UBASH3A: variants seen among roughly 807,000 people sequenced by gnomAD.
UBASH3A encodes ubiquitin associated and SH3 domain containing A.
In UBASH3A, 63 loss-of-function variants were observed where a neutral mutation model predicts 73.5. The ratio of observed to expected loss-of-function variants is 0.86; its 90% confidence interval spans 0.70 to 1.06. UBASH3A has a LOEUF of 1.06. Among genes scored for constraint, UBASH3A ranks in the 50% least tolerant of loss-of-function variants. UBASH3A has a pLI of 0.00. For synonymous variants in UBASH3A, 363 were observed against 351.1 expected (o/e 1.03, Z -0.38); for missense variants, 860 against 859.0 (o/e 1.00, Z -0.02).
chr21:42,439,146 G>A (rs1234730173), intron 11 of UBASH3A, among the ~76,000 whole-genome samples: 1 of 152,172 alleles, frequency 6.6e-6, no homozygotes, highest in Non-Finnish European at 1.5e-5. Flanking sequence ...CCACCCCGGA[G>A]CCTCTCAGGC....
chr21:42,427,186 C>G (rs1376238583), intron 8 of UBASH3A, among the ~76,000 whole-genome samples: 4 of 152,190 alleles, frequency 2.6e-5, no homozygotes, highest in African/African-American at 9.6e-5. Flanking sequence ...TCTCCATAAC[C>G]TGGGGGTCAG....
chr21:42,438,159 G>C (rs766369818), intron 11 of UBASH3A, among the ~76,000 whole-genome samples: 1 of 152,230 alleles, frequency 6.6e-6, no homozygotes, highest in Non-Finnish European at 1.5e-5. Flanking sequence ...AGAGGGATAA[G>C]ATCTCGGTCC....
chr21:42,416,277 AT>A (rs2053204545), intron 5 of UBASH3A, among the ~76,000 whole-genome samples, 164 bp from the exon 6 acceptor site: 1 of 151,844 alleles, frequency 6.6e-6, no homozygotes, highest in South Asian at 2.1e-4. Context: ...TCCTGGAAAA[AT>A]CTACAGGGAT....
chr21:42,408,893 TAA>T (rs1280531839), intron 2 of UBASH3A, among the ~76,000 whole-genome samples: 2 of 82,982 alleles, frequency 2.4e-5, no homozygotes, highest in African/African-American at 8.8e-5. Flanking sequence ...AAAAATAAAA[TAA>T]AATAAAATAA....
intron 11 of UBASH3A, among the ~76,000 whole-genome samples, chr21:42,442,109 C>T (rs781551532): frequency 6.6e-5 from 10 of 152,022 alleles, no homozygotes; most frequent in Admixed American, 1.3e-4. Flanking sequence ...AGGATGCAGC[C>T]GGTGGGCTGG....
intron 3 of UBASH3A, chr21:42,410,533 C>A: frequency 2.8e-6 from 1 of 352,258 alleles, no homozygotes; most frequent in Non-Finnish European, 5.1e-6. Context: ...CCAACCACCA[C>A]CCCGGATTGC....
At chr21:42,433,945 T>C (rs994138403) in intron 9 of UBASH3A, among the ~76,000 whole-genome samples, 27 of 152,096 alleles carry the variant, frequency 1.8e-4, no homozygotes, top group Admixed American at 3.3e-4. Flanking sequence ...GGAAGGTCAG[T>C]GTGGCTGCTG....
chr21:42,425,048 C>T (rs759310384), intron 7 of UBASH3A, among the ~76,000 whole-genome samples: 12 of 152,170 alleles, frequency 7.9e-5, no homozygotes, highest in South Asian at 2.1e-4. Context: ...TCGTTGAAGC[C>T]GCTCAGCTGT....
In UBASH3A at chr21:42,444,626, G is replaced by A. The variant is rs2053815452; in HGVS notation, c.1831G>A (p.Ala611Thr). 1.9e-6 allele frequency: 3 copies of A among 1,614,122 alleles called. No individual in the cohort carries two copies. Among genetic ancestry groups the A allele is most frequent in the Non-Finnish European group, 2.5e-6 (3 of 1,179,956 alleles). ...GCCGCCCCGGGAATGTGGGGATTTTGCCCAACTCGTGAGAAAGGTACGCGC... is the reference window on the plus strand; with the variant it reads ...GCCGCCCCGGGAATGTGGGGATTTTACCCAACTCGTGAGAAAGGTACGCGC... ...GLPPRECGDFAQLVRKIPSLG... is the reference protein window; with the variant it reads ...GLPPRECGDFTQLVRKIPSLG... The change falls in exon 14 of 15, where the codon GCC becomes ACC. Residue 611 changes from alanine to threonine, a missense_variant. By Grantham distance (58) the Ala-to-Thr change is moderately conservative. Transcript: ENST00000319294.
At chr21:42,439,579 C>T (rs568565739) in intron 11 of UBASH3A, among the ~76,000 whole-genome samples, 64 of 152,242 alleles carry the variant, frequency 4.2e-4, no homozygotes, top group African/African-American at 1.5e-3. Context: ...GCAGCTCCAC[C>T]CGAGGGCAAG....
intron 5 of UBASH3A, among the ~76,000 whole-genome samples, chr21:42,414,735 G>C (rs2146513053): frequency 6.6e-6 from 1 of 152,204 alleles, no homozygotes; most frequent in East Asian, 1.9e-4. Flanking sequence ...AGCCAGGAAG[G>C]ACCCTTCCCA....
At position 42,426,724 on chromosome 21, in the gene UBASH3A, C is replaced by A. The variant is rs1430965358; in HGVS notation, c.1074C>A (p.Asp358Glu). The change falls in exon 8 of 15, where the codon GAC becomes GAA. Residue 358 changes from aspartate (D) to glutamate (E), a missense_variant. Physicochemically the swap from Asp to Glu is conservative, Grantham distance 45. Coordinates refer to ENST00000319294, the MANE Select transcript of UBASH3A (RefSeq NM_018961.4). ...HRMYTFSLAT[D>E]LNSRKDGEAS... ...TGTACACCTTCAGTCTAGCCACAGACCTGAACTCCAGAAAGGATGGTGAAG... is the reference window on the plus strand; with the variant it reads ...TGTACACCTTCAGTCTAGCCACAGAACTGAACTCCAGAAAGGATGGTGAAG... The A allele has an allele frequency of 1.9e-6, 3 of 1,613,944 alleles. No homozygotes were observed. Among genetic ancestry groups the A allele is most frequent in the East Asian group, 2.2e-5 (1 of 44,898 alleles).
chr21:42,426,909 T>A, intron 8 of UBASH3A, 89 bp downstream of exon 8: 1 of 1,498,344 alleles, frequency 6.7e-7, no homozygotes, highest in Non-Finnish European at 9.0e-7. Context: ...TTCGTAGGTG[T>A]AGCTTTTGTT....
At position 42,407,117 on chromosome 21, in the gene UBASH3A, C is replaced by A. The variant is rs113077271; in HGVS notation, c.167+756C>A. 3.4e-4 allele frequency among the ~76,000 whole-genome samples: 51 copies of A among 152,236 alleles called. 1 individual carries two copies. Among genetic ancestry groups the A allele is most frequent in the African/African-American group, 1.2e-3 (50 of 41,528 alleles). On this transcript the variant is annotated intron_variant, in intron 2 of 14. Coordinates refer to ENST00000319294, the MANE Select transcript of UBASH3A (RefSeq NM_018961.4). ...TGCGTGAGTGATTCTTCAAGCCACCCACTGCCATGGGCCTGTTCTCTGCTC... is the reference window on the plus strand; with the variant it reads ...TGCGTGAGTGATTCTTCAAGCCACCAACTGCCATGGGCCTGTTCTCTGCTC...
At chr21:42,414,244 TCCTGG>T (rs1231908345) in intron 5 of UBASH3A, among the ~76,000 whole-genome samples, 1 of 152,184 alleles carries the variant, frequency 6.6e-6, no homozygotes, top group African/African-American at 2.4e-5. Flanking sequence ...GAAGCACAGA[TCCTGG>T]CCTGTAAATC....
chr21:42,441,041 A>G (rs1444937123), intron 11 of UBASH3A, among the ~76,000 whole-genome samples: 1 of 152,104 alleles, frequency 6.6e-6, no homozygotes, highest in East Asian at 1.9e-4. Context: ...TCTCTCAGTG[A>G]CCTTTAAGTG....
chr21:42,418,121 A>T (rs111812774), intron 6 of UBASH3A, among the ~76,000 whole-genome samples: 1 of 151,898 alleles, frequency 6.6e-6, no homozygotes, highest in Non-Finnish European at 1.5e-5. Context: ...TGACCTTGTG[A>T]TCCACCCACC....
intron 13 of UBASH3A, 84 bp from the exon 14 acceptor site, chr21:42,444,450 C>T: frequency 2.0e-6 from 2 of 1,012,202 alleles, no homozygotes; most frequent in East Asian, 2.4e-5. Context: ...GATAGCTCTG[C>T]CCCCCACCAC....
chr21:42,406,463 C>T (rs2146485723), intron 2 of UBASH3A, 102 bp downstream of exon 2: 1 of 1,019,476 alleles, frequency 9.8e-7, no homozygotes, highest in Non-Finnish European at 1.5e-6. Flanking sequence ...AGCCGGGCGC[C>T]TCTGGGTGGG....
Sources: gnomAD v4.1 joint callset for allele counts (sites outside exome capture counted in the v4.1 genomes callset) on GRCh38, gnomAD v4.1.1 for gene constraint, MANE v1.5 for transcripts, NCBI Gene and HGNC (gene_info 2026-07-23, HGNC 2026-07-21) for gene names.